Variants in PDS5B observed in about 807,000 individuals in gnomAD.
PDS5B encodes the protein PDS5 cohesin associated factor B.
PDS5B carries 51 observed loss-of-function variants against 184.1 expected under a neutral mutation model. That is an observed-to-expected ratio of 0.28 (90% CI 0.22 to 0.35). PDS5B has a LOEUF of 0.35. Among genes scored for constraint, PDS5B ranks in the 10% least tolerant of loss-of-function variants. PDS5B has a pLI of 1.00. For missense variants in PDS5B, 1,180 were observed against 1,723.3 expected, an observed-to-expected ratio of 0.68 and a Z score of 5.58; for synonymous variants, 566 against 569.2, an observed-to-expected ratio of 0.99 and a Z score of 0.08.
chr13:32,596,535 G>C (rs761053924), intron 1 of PDS5B, among the ~76,000 whole-genome samples: 4 of 152,180 alleles, frequency 2.6e-5, no homozygotes, highest in Admixed American at 6.5e-5. Flanking sequence ...GGAATTGCTG[G>C]TTTGTAGGCA....
chr13:32,658,222 G>T lies in PDS5B; in HGVS notation c.313-17G>T. The T allele has an allele frequency of 8.3e-7, 1 of 1,200,776 alleles. No individual in the cohort carries two copies. The highest frequency in any genetic ancestry group is 1.2e-6 in the Non-Finnish European group (1 of 823,950). The allele number at this position is 1,200,776 out of a possible 1,614,324, so 74.4% of individuals were successfully genotyped here. On this transcript the variant is annotated splice_polypyrimidine_tract_variant and intron_variant, in intron 3 of 34. Transcript: ENST00000315596. ...GCGTTCATAATCTAAATGGCACTTT[G>T]TCTTTTTTTATTTAAGGATATATTT...
chr13:32,770,974 A>C, intron 33 of PDS5B: 1 of 550,562 alleles, frequency 1.8e-6, no homozygotes, highest in Non-Finnish European at 3.2e-6. Flanking sequence ...TCATAAATGA[A>C]TACCAAATAG....
intron 1 of PDS5B, among the ~76,000 whole-genome samples, chr13:32,589,534 A>G (rs1410060006): frequency 6.6e-6 from 1 of 152,106 alleles, no homozygotes; most frequent in Non-Finnish European, 1.5e-5. Context: ...TTGACATGGC[A>G]TTTATTTATT....
intron 7 of PDS5B, among the ~76,000 whole-genome samples, chr13:32,672,462 A>G (rs1950962994): frequency 6.6e-6 from 1 of 152,198 alleles, no homozygotes; most frequent in African/African-American, 2.4e-5. Context: ...ATGTATATGT[A>G]TGAGAGGGAA....
intron 1 of PDS5B, among the ~76,000 whole-genome samples, chr13:32,635,211 T>TTTTTG: frequency 1.3e-5 from 1 of 76,684 alleles, no homozygotes; most frequent in South Asian, 3.7e-4. Context: ...TTTTTTTTTT[T>TTTTTG]TTTTGTGGAG....
At chr13:32,704,267 C>G (rs1026683479) in intron 17 of PDS5B, among the ~76,000 whole-genome samples, 13 of 151,986 alleles carry the variant, frequency 8.6e-5, no homozygotes, top group African/African-American at 3.1e-4. Context: ...CTGCTGTGAT[C>G]AAGCAATTCT....
intron 3 of PDS5B, among the ~76,000 whole-genome samples, chr13:32,655,477 C>T (rs1355449605): frequency 1.4e-5 from 2 of 147,960 alleles, no homozygotes; most frequent in East Asian, 2.0e-4. Flanking sequence ...TTCTCAGGTT[C>T]ATGTGATTCT....
intron 1 of PDS5B, among the ~76,000 whole-genome samples, chr13:32,630,091 T>C (rs1277565087): frequency 1.3e-5 from 2 of 152,216 alleles, no homozygotes; most frequent in Admixed American, 6.5e-5. Flanking sequence ...CCTTGAGATA[T>C]TAGAAGCAGT....
chr13:32,746,224 T>C (rs1237808496), intron 24 of PDS5B, 124 bp downstream of exon 24: 2 of 801,160 alleles, frequency 2.5e-6, no homozygotes. Flanking sequence ...CTGAAAAATT[T>C]ATGCATGAGA....
intron 26 of PDS5B, 121 bp downstream of exon 26, chr13:32,756,077 GTTCT>G: frequency 5.5e-6 from 3 of 549,834 alleles, no homozygotes; most frequent in Non-Finnish European, 9.8e-6. Flanking sequence ...GGTGTTTAAG[GTTCT>G]TTATTTGCTC....
chr13:32,615,334 A>G (rs894914795), intron 1 of PDS5B, among the ~76,000 whole-genome samples: 1 of 152,176 alleles, frequency 6.6e-6, no homozygotes, highest in African/African-American at 2.4e-5. Flanking sequence ...GTTACTCATC[A>G]GATAGTTTTT....
chr13:32,747,782 T>C (rs1329385639), intron 24 of PDS5B, among the ~76,000 whole-genome samples: 1 of 152,220 alleles, frequency 6.6e-6, no homozygotes, highest in Non-Finnish European at 1.5e-5. Context: ...AGGTTCTTGG[T>C]ATGGCATTTC....
chr13:32,666,733 T>C (rs1373436628), intron 6 of PDS5B, among the ~76,000 whole-genome samples: 1 of 152,164 alleles, frequency 6.6e-6, no homozygotes, highest in Non-Finnish European at 1.5e-5. Context: ...TATAATGGTT[T>C]ATTGGGGTAT....
chr13:32,712,158 T>C (rs148450257), intron 19 of PDS5B, among the ~76,000 whole-genome samples: 1 of 152,376 alleles, frequency 6.6e-6, no homozygotes, highest in Non-Finnish European at 1.5e-5. Flanking sequence ...GTAACTTTTA[T>C]ATTTTAAAGA....
intron 1 of PDS5B, among the ~76,000 whole-genome samples, chr13:32,617,251 C>G (rs1423885050): frequency 6.6e-6 from 1 of 152,158 alleles, no homozygotes; most frequent in African/African-American, 2.4e-5. Flanking sequence ...ATTATCCTGT[C>G]TTGGCCACCA....
intron 19 of PDS5B, among the ~76,000 whole-genome samples, chr13:32,716,906 C>T (rs1297218141): frequency 9.3e-6 from 1 of 106,954 alleles, no homozygotes; most frequent in Non-Finnish European, 2.1e-5. Context: ...CTTTGCCTGG[C>T]CGCCCCTACT....
chr13:32,615,497 A>C (rs1449606825), intron 1 of PDS5B, among the ~76,000 whole-genome samples: 1 of 152,252 alleles, frequency 6.6e-6, no homozygotes, highest in African/African-American at 2.4e-5. Context: ...AATCATCAAG[A>C]ATAGATGGCT....
chr13:32,722,421 A>G (rs1461041504), intron 19 of PDS5B, among the ~76,000 whole-genome samples: 1 of 152,160 alleles, frequency 6.6e-6, no homozygotes, highest in African/African-American at 2.4e-5. Context: ...TACCTTTTCT[A>G]TGTTTAGATA....
At chr13:32,602,556 T>C (rs1419549838) in intron 1 of PDS5B, among the ~76,000 whole-genome samples, 8 of 152,236 alleles carry the variant, frequency 5.3e-5, no homozygotes, top group Non-Finnish European at 1.2e-4. Flanking sequence ...GCAATAAACA[T>C]ACATGTGCAT....
Sources: allele counts gnomAD v4.1 joint callset (sites outside exome capture counted in the v4.1 genomes callset), GRCh38; gene constraint gnomAD v4.1.1; transcripts MANE v1.5; gene names NCBI Gene and HGNC (gene_info 2026-07-23, HGNC 2026-07-21).